Variants in LINGO2 observed in about 807,000 individuals in gnomAD.
The protein encoded by LINGO2 is leucine-rich repeat and immunoglobulin-like domain-containing nogo receptor-interacting protein 2.
In LINGO2, 14 loss-of-function variants were observed where a neutral mutation model predicts 30.6. The ratio of observed to expected loss-of-function variants is 0.46; its 90% CI spans 0.30 to 0.72. The LOEUF (loss-of-function observed/expected upper bound fraction) is 0.72. Ranked by LOEUF, LINGO2 falls within the 30% of genes least tolerant of loss-of-function variation. The probability of loss-of-function intolerance (pLI) is 0.07; values close to 1 mark genes in which losing one functional copy is unlikely to be tolerated. For synonymous variants in LINGO2, 317 were observed against 288.5 expected, an observed-to-expected ratio of 1.10 and a Z score of -1.00; for missense variants, 729 against 751.7, an observed-to-expected ratio of 0.97 and a Z score of 0.35.
the LINGO2 span, among the ~76,000 whole-genome samples, chr9:28,990,005 C>T: frequency 1.3e-3 from 202 of 152,240 alleles, no homozygotes; most frequent in African/African-American, 4.6e-3. Context: ...TCTGAGGAAA[C>T]GGGTTCATCT....
the LINGO2 span, among the ~76,000 whole-genome samples, chr9:28,936,071 G>C: frequency 1.2e-3 from 178 of 152,024 alleles, no homozygotes; most frequent in African/African-American, 4.2e-3. Flanking sequence ...GATAGTAAGG[G>C]AAATTTATTT....
At chr9:28,690,277 G>A in the LINGO2 span, among the ~76,000 whole-genome samples, 180 of 152,062 alleles carry the variant, frequency 1.2e-3, 1 homozygote, top group Non-Finnish European at 7.9e-4. Flanking sequence ...AAAAGACATA[G>A]CCCAGCCCAC....
the LINGO2 span, among the ~76,000 whole-genome samples, chr9:28,681,083 G>T: frequency 6.6e-6 from 1 of 151,974 alleles, no homozygotes; most frequent in South Asian, 2.1e-4. Context: ...CGTCTTATAT[G>T]AAAGTCTTTA....
chr9:28,995,238 A>G, the LINGO2 span, among the ~76,000 whole-genome samples: 1 of 152,262 alleles, frequency 6.6e-6, no homozygotes, highest in Non-Finnish European at 1.5e-5. Context: ...TCAAAAGAAG[A>G]CATTTATGCT....
At chr9:28,408,013 G>A (rs1031965581) in intron 2 of LINGO2, among the ~76,000 whole-genome samples, 1 of 151,884 alleles carries the variant, frequency 6.6e-6, no homozygotes, top group Non-Finnish European at 1.5e-5. Flanking sequence ...GAGGGAGGGA[G>A]AGAAAGACAG....
intron 4 of LINGO2, among the ~76,000 whole-genome samples, chr9:28,118,781 A>T (rs1458005064): frequency 6.6e-6 from 1 of 152,220 alleles, no homozygotes; most frequent in African/African-American, 2.4e-5. Flanking sequence ...TTACTAGTAT[A>T]TGAAGTCTAC....
At chr9:29,079,721 G>A in the LINGO2 span, among the ~76,000 whole-genome samples, 1 of 151,960 alleles carries the variant, frequency 6.6e-6, no homozygotes, top group Non-Finnish European at 1.5e-5. Flanking sequence ...GATATGCAAA[G>A]TATGCCTACC....
At chr9:28,058,107 T>A (rs1448936582) in intron 4 of LINGO2, among the ~76,000 whole-genome samples, 2 of 152,226 alleles carry the variant, frequency 1.3e-5, no homozygotes, top group African/African-American at 4.8e-5. Context: ...TGAAAAGTCA[T>A]CCCTTTTAGA....
At chr9:28,654,039 T>G (rs1317072873) in intron 1 of LINGO2, among the ~76,000 whole-genome samples, 1 of 152,070 alleles carries the variant, frequency 6.6e-6, no homozygotes, top group East Asian at 1.9e-4. Flanking sequence ...ATAACATGAG[T>G]GTTTTGCTAA....
At chr9:28,268,302 T>A (rs1401326172) in intron 4 of LINGO2, among the ~76,000 whole-genome samples, 2 of 151,962 alleles carry the variant, frequency 1.3e-5, no homozygotes, top group Non-Finnish European at 2.9e-5. Flanking sequence ...TTGAACTAGA[T>A]TAGAAGAGTA....
the LINGO2 span, among the ~76,000 whole-genome samples, chr9:28,989,608 T>C: frequency 1.3e-5 from 2 of 152,204 alleles, no homozygotes; most frequent in Non-Finnish European, 1.5e-5. Flanking sequence ...CACCCACTGC[T>C]ACCTGTACAC....
In LINGO2 at chr9:28,084,337, C is replaced by T. The variant is rs148500116; in HGVS notation, c.-86-71932G>A. The stretch of plus-strand genomic sequence containing the variant: ...ATTATGCACCTGCAGGTGCTGAGCT[C>T]TCACATGGTAATTTGAGACAGGGGG... On this transcript the variant is annotated intron_variant, in intron 4 of 5. Transcript: ENST00000379992. Among the ~76,000 whole-genome samples, 400 of 152,098 alleles carry T rather than the reference C, an allele frequency of 2.6e-3. 2 individuals are homozygous for T. Among genetic ancestry groups the T allele is most frequent in the Non-Finnish European group, 2.9e-3 (198 of 67,978 alleles).
intron 4 of LINGO2, among the ~76,000 whole-genome samples, chr9:28,047,208 T>C (rs1471090263): frequency 6.6e-6 from 1 of 152,126 alleles, no homozygotes; most frequent in Non-Finnish European, 1.5e-5. Context: ...TGTATGTAAG[T>C]TTCCCCTACA....
intron 4 of LINGO2, among the ~76,000 whole-genome samples, chr9:28,266,826 T>C (rs2134069950): frequency 6.6e-6 from 1 of 152,172 alleles, no homozygotes; most frequent in East Asian, 1.9e-4. Context: ...CCTTGTGCCC[T>C]GAGTAAGCTA....
At chr9:28,375,721 T>C (rs531348801) in intron 2 of LINGO2, among the ~76,000 whole-genome samples, 1 of 152,184 alleles carries the variant, frequency 6.6e-6, no homozygotes, top group East Asian at 1.9e-4. Flanking sequence ...AAGGGGAAAA[T>C]ATAGAAGTGG....
the LINGO2 span, among the ~76,000 whole-genome samples, chr9:29,176,483 C>T: frequency 7.1e-4 from 108 of 152,316 alleles, no homozygotes; most frequent in African/African-American, 2.5e-3. Context: ...CACACACTCA[C>T]AGTTGGGCTA....
chr9:28,694,961 T>C, the LINGO2 span, among the ~76,000 whole-genome samples: 2 of 151,796 alleles, frequency 1.3e-5, no homozygotes, highest in African/African-American at 2.4e-5. Flanking sequence ...TGTTTTTTTT[T>C]TTTTTTAATG....
the LINGO2 span, among the ~76,000 whole-genome samples, chr9:29,188,839 C>A: frequency 1.5e-4 from 15 of 97,532 alleles, no homozygotes; most frequent in African/African-American, 3.0e-4. Flanking sequence ...GCTGACCCCC[C>A]CGCCACCTTC....
At chr9:28,106,088 G>A (rs1442644896) in intron 4 of LINGO2, among the ~76,000 whole-genome samples, 1 of 152,044 alleles carries the variant, frequency 6.6e-6, no homozygotes, top group Non-Finnish European at 1.5e-5. Context: ...AGGGATATAG[G>A]TTACATGCTC....
Sources: gnomAD v4.1 joint callset for allele counts (sites outside exome capture counted in the v4.1 genomes callset) on GRCh38, gnomAD v4.1.1 for gene constraint, MANE v1.5 for transcripts, NCBI Gene and HGNC (gene_info 2026-07-23, HGNC 2026-07-21) for gene names.